Variants in SYNDIG1 observed in about 807,000 individuals in gnomAD.
SYNDIG1 encodes the protein synapse differentiation-inducing gene protein 1.
SYNDIG1 carries 9 observed loss-of-function variants against 19.4 expected under a neutral mutation model. The observed-to-expected ratio is 0.46, with a 90% CI of 0.28 to 0.81. The LOEUF is 0.81. SYNDIG1 is among the 30% of genes least tolerant of loss of function. The probability of loss-of-function intolerance (pLI) is 0.12; values close to 1 mark genes in which losing one functional copy is unlikely to be tolerated. For missense variants in SYNDIG1, 311 were observed against 343.3 expected, an observed-to-expected ratio of 0.91 and a Z score of 0.74; for synonymous variants, 141 against 145.9, an observed-to-expected ratio of 0.97 and a Z score of 0.24.
chr20:24,597,416 C>T (rs1600712404), intron 3 of SYNDIG1, among the ~76,000 whole-genome samples: 1 of 152,136 alleles, frequency 6.6e-6, no homozygotes, highest in South Asian at 2.1e-4. Flanking sequence ...TTAAAGACCA[C>T]AGCATTTCTT....
At chr20:24,592,563 G>T (rs1427661342) in intron 3 of SYNDIG1, among the ~76,000 whole-genome samples, 1 of 152,250 alleles carries the variant, frequency 6.6e-6, no homozygotes, top group African/African-American at 2.4e-5. Flanking sequence ...AATCAACAGG[G>T]CCATCATAAT....
chr20:24,550,276 A>G (rs993674704), intron 2 of SYNDIG1, among the ~76,000 whole-genome samples: 18 of 152,206 alleles, frequency 1.2e-4, no homozygotes, highest in South Asian at 2.1e-4. Context: ...TATTGCGAAT[A>G]GCACTGCAAC....
chr20:24,563,515 G>A (rs770350419), intron 2 of SYNDIG1, among the ~76,000 whole-genome samples: 19 of 152,108 alleles, frequency 1.2e-4, no homozygotes, highest in South Asian at 4.1e-4. Context: ...CACATGCTGC[G>A]TGTTGACCAG....
chr20:24,614,719 G>C (rs556996141), intron 3 of SYNDIG1, among the ~76,000 whole-genome samples: 1 of 152,086 alleles, frequency 6.6e-6, no homozygotes, highest in Admixed American at 6.6e-5. Context: ...AGTTGTCAGG[G>C]TATAAATAAA....
At chr20:24,593,158 C>A (rs967233795) in intron 3 of SYNDIG1, among the ~76,000 whole-genome samples, 1 of 152,194 alleles carries the variant, frequency 6.6e-6, no homozygotes, top group African/African-American at 2.4e-5. Flanking sequence ...TATTTCATCA[C>A]CCAGGTAATA....
intron 2 of SYNDIG1, among the ~76,000 whole-genome samples, chr20:24,578,762 C>T (rs1164497616): frequency 1.3e-5 from 2 of 152,190 alleles, no homozygotes; most frequent in Non-Finnish European, 2.9e-5. Context: ...AGGTGGAAAA[C>T]GCCAAGCCCA....
intron 2 of SYNDIG1, among the ~76,000 whole-genome samples, chr20:24,575,064 A>G (rs997566768): frequency 6.6e-6 from 1 of 152,190 alleles, no homozygotes; most frequent in African/African-American, 2.4e-5. Context: ...TCATCCCATT[A>G]CTTCTGGTGA....
intron 1 of SYNDIG1, among the ~76,000 whole-genome samples, chr20:24,541,843 C>T (rs370774037): frequency 1.5e-4 from 23 of 152,292 alleles, no homozygotes; most frequent in Non-Finnish European, 2.5e-4. Context: ...GGCAAGACTC[C>T]GGAGTGCATT....
intron 2 of SYNDIG1, among the ~76,000 whole-genome samples, chr20:24,549,542 G>A (rs1166899328): frequency 6.6e-6 from 1 of 152,202 alleles, no homozygotes; most frequent in Admixed American, 6.5e-5. Flanking sequence ...AAGGGCAGGT[G>A]CAGAGGCTGG....
At chr20:24,577,278 G>A (rs962707954) in intron 2 of SYNDIG1, among the ~76,000 whole-genome samples, 3 of 152,180 alleles carry the variant, frequency 2.0e-5, no homozygotes, top group Admixed American at 1.3e-4. Flanking sequence ...AAGGGGCCTC[G>A]AGATGTTGAA....
chr20:24,543,889 C>A (rs1051753743), intron 2 of SYNDIG1, among the ~76,000 whole-genome samples: 4 of 152,128 alleles, frequency 2.6e-5, no homozygotes, highest in African/African-American at 9.7e-5. Flanking sequence ...TCCCATGAGA[C>A]AGAGAGGTCA....
At chr20:24,635,043 C>T (rs2059301747) in intron 3 of SYNDIG1, among the ~76,000 whole-genome samples, 1 of 152,244 alleles carries the variant, frequency 6.6e-6, no homozygotes, top group Non-Finnish European at 1.5e-5. Context: ...AGCAGCTTTC[C>T]TTGCCTGTTC....
intron 2 of SYNDIG1, among the ~76,000 whole-genome samples, chr20:24,571,105 T>C (rs765916928): frequency 1.4e-4 from 22 of 152,176 alleles, no homozygotes; most frequent in Non-Finnish European, 1.0e-4. Flanking sequence ...GTGCAGTGAT[T>C]GCAAGGGGTT....
chr20:24,564,345 C>T (rs906923486), intron 2 of SYNDIG1, among the ~76,000 whole-genome samples: 1 of 152,144 alleles, frequency 6.6e-6, no homozygotes, highest in African/African-American at 2.4e-5. Flanking sequence ...AAGGTGAGCC[C>T]AGCTTTTATT....
At chr20:24,511,731 T>C (rs969172062) in intron 1 of SYNDIG1, among the ~76,000 whole-genome samples, 6 of 152,160 alleles carry the variant, frequency 3.9e-5, no homozygotes, top group African/African-American at 1.2e-4. Context: ...TAGCTGTGGC[T>C]TAAAAAAATT....
chr20:24,596,667 C>G (rs2058599994), intron 3 of SYNDIG1, among the ~76,000 whole-genome samples: 1 of 152,220 alleles, frequency 6.6e-6, no homozygotes, highest in Middle Eastern at 3.2e-3. Context: ...GCATGAGCCA[C>G]CGGGCCTGGC....
chr20:24,619,611 A>G (rs1334889155), intron 3 of SYNDIG1, among the ~76,000 whole-genome samples: 4 of 152,266 alleles, frequency 2.6e-5, no homozygotes, highest in African/African-American at 9.6e-5. Context: ...ACATAATTCA[A>G]GAACCTTGCT....
At chr20:24,561,411 C>T (rs1049232314) in intron 2 of SYNDIG1, among the ~76,000 whole-genome samples, 3 of 152,188 alleles carry the variant, frequency 2.0e-5, no homozygotes, top group Non-Finnish European at 4.4e-5. Context: ...CTGGAAGCAC[C>T]TCCACCAGTA....
At chr20:24,614,567 T>C (rs1045221912) in intron 3 of SYNDIG1, among the ~76,000 whole-genome samples, 7 of 122,658 alleles carry the variant, frequency 5.7e-5, no homozygotes, top group Non-Finnish European at 9.5e-5. Flanking sequence ...AGCAATATAT[T>C]AAATTAGATC....
Sources: allele counts gnomAD v4.1 joint callset (sites outside exome capture counted in the v4.1 genomes callset), GRCh38; gene constraint gnomAD v4.1.1; transcripts MANE v1.5; gene names NCBI Gene and HGNC (gene_info 2026-07-23, HGNC 2026-07-21).